Variants in MTMR3 observed in about 807,000 individuals in gnomAD.
MTMR3 encodes phosphatidylinositol-3,5-bisphosphate 3-phosphatase MTMR3.
Under a neutral mutation model 132.4 loss-of-function variants are expected in MTMR3, and 32 were observed. The observed-to-expected ratio is 0.24, with a 90% CI of 0.18 to 0.32. MTMR3 has a LOEUF of 0.32. MTMR3 is among the 10% of genes least tolerant of loss of function. MTMR3 has a pLI of 1.00. For missense variants in MTMR3, 1,216 were observed against 1,489.6 expected (o/e 0.82, Z 3.02); for synonymous variants, 556 against 550.3 (o/e 1.01, Z -0.14).
In MTMR3 at chr22:29,971,992, G is replaced by A. The variant is rs7287893; in HGVS notation, c.3+930G>A. On this transcript the variant is annotated intron_variant, in intron 3 of 19. Coordinates refer to ENST00000401950, the MANE Select transcript of MTMR3 (RefSeq NM_021090.4). The stretch of plus-strand genomic sequence containing the variant: ...GTATGGAAAATGCTTTTCAAAATTA[G>A]AAAAAGTAAAACAAAAAAACTAGTT... Among the ~76,000 whole-genome samples, 682 of 152,178 alleles carry A rather than the reference G, an allele frequency of 4.5e-3. 6 individuals are homozygous for A. The highest frequency in any genetic ancestry group is 0.016 in the African/African-American group (644 of 41,524).
chr22:29,914,070 TA>T (rs1389682214), intron 1 of MTMR3, among the ~76,000 whole-genome samples: 1 of 152,172 alleles, frequency 6.6e-6, no homozygotes, highest in Non-Finnish European at 1.5e-5. Flanking sequence ...CTATTACGAA[TA>T]AATCTCCTCT....
At chr22:30,012,768 C>T (rs2067465716) in intron 13 of MTMR3, 1 of 501,022 alleles carries the variant, frequency 2.0e-6, no homozygotes, top group African/African-American at 2.0e-5. Context: ...TTATGGGTAA[C>T]AAGGTATTGA....
chr22:29,962,239 A>G (rs1185835367), intron 2 of MTMR3, among the ~76,000 whole-genome samples: 1 of 152,226 alleles, frequency 6.6e-6, no homozygotes, highest in Non-Finnish European at 1.5e-5. Context: ...AATAAGTTTA[A>G]CTCAGATATA....
chr22:30,013,767 T>A (rs2067495451), intron 14 of MTMR3: 1 of 402,472 alleles, frequency 2.5e-6, no homozygotes, highest in Non-Finnish European at 4.5e-6. Context: ...TAAACTTAGT[T>A]TTTTTTTAAA....
intron 2 of MTMR3, among the ~76,000 whole-genome samples, chr22:29,962,586 G>A (rs189060104): frequency 7.9e-5 from 12 of 152,080 alleles, no homozygotes; most frequent in Admixed American, 3.9e-4. Flanking sequence ...CAGGAAGATC[G>A]CTGGAGCCCA....
At chr22:29,923,347 C>G (rs1431058778) in intron 1 of MTMR3, among the ~76,000 whole-genome samples, 1 of 151,566 alleles carries the variant, frequency 6.6e-6, no homozygotes, top group Non-Finnish European at 1.5e-5. Context: ...GCTGGGATTA[C>G]AGGTGTGAGC....
chr22:30,011,776 T>C (rs1013699796), intron 12 of MTMR3: 3 of 152,448 alleles, frequency 2.0e-5, no homozygotes, highest in Non-Finnish European at 4.4e-5. Flanking sequence ...GTATAAATTA[T>C]CAGATTGGGC....
At chr22:29,907,171 C>T (rs112056808) in intron 1 of MTMR3, among the ~76,000 whole-genome samples, 5,582 of 151,738 alleles carry the variant, frequency 0.037, 364 homozygotes, top group African/African-American at 0.13. Flanking sequence ...GAGGCCAAGG[C>T]GGGTGGATCA....
At chr22:30,008,458 AG>A (rs1177243643) in intron 11 of MTMR3, 1 of 170,422 alleles carries the variant, frequency 5.9e-6, no homozygotes, top group African/African-American at 2.4e-5. Flanking sequence ...AAATTGAAGC[AG>A]TAAATACAGA....
chr22:29,995,805 G>A (rs1325187631), intron 7 of MTMR3: 1 of 152,164 alleles, frequency 6.6e-6, no homozygotes, highest in African/African-American at 2.4e-5. Flanking sequence ...TTCTGGCTAA[G>A]TAAACGTGAG....
At chr22:29,930,739 G>A (rs2065625425) in intron 1 of MTMR3, among the ~76,000 whole-genome samples, 1 of 151,936 alleles carries the variant, frequency 6.6e-6, no homozygotes, top group African/African-American at 2.4e-5. Context: ...AGTGGCTTAC[G>A]CTTGTAATTC....
At chr22:29,934,673 T>C (rs1602506810) in intron 1 of MTMR3, among the ~76,000 whole-genome samples, 1 of 152,210 alleles carries the variant, frequency 6.6e-6, no homozygotes, top group Non-Finnish European at 1.5e-5. Flanking sequence ...TGTCCCATTA[T>C]GGTGAGTTGT....
At chr22:29,921,200 C>T (rs1008984431) in intron 1 of MTMR3, among the ~76,000 whole-genome samples, 11 of 152,064 alleles carry the variant, frequency 7.2e-5, no homozygotes, top group Non-Finnish European at 1.6e-4. Context: ...AGCTTCCAGT[C>T]ACGTTGGAAG....
At chr22:29,957,802 G>T (rs1311656055) in intron 2 of MTMR3, among the ~76,000 whole-genome samples, 1 of 152,050 alleles carries the variant, frequency 6.6e-6, no homozygotes, top group African/African-American at 2.4e-5. Context: ...TGCTTTCCAA[G>T]GTTCAGTTAT....
chr22:29,978,488 T>C lies in MTMR3; in HGVS notation c.50T>C (p.Ile17Thr), dbSNP rs771760948. The C allele has an allele frequency of 3.1e-6, 5 of 1,613,892 alleles. No individual in the cohort carries two copies. In the Admixed American group the frequency reaches 8.3e-5, roughly 27 times the overall value. ...HSLECIQANQIFPRKQLIRED... is the reference protein window; with the variant it reads ...HSLECIQANQTFPRKQLIRED... Reference sequence around the variant, plus strand: ...CTTGAGTGCATCCAGGCCAATCAGATCTTTCCCAGGAAGCAGCTGATCCGG... The same window carrying C: ...CTTGAGTGCATCCAGGCCAATCAGACCTTTCCCAGGAAGCAGCTGATCCGG... The change falls in exon 4 of 20, where the codon ATC becomes ACC. Residue 17 changes from isoleucine (I) to threonine (T), a missense_variant. Coordinates refer to ENST00000401950, the MANE Select transcript of MTMR3 (RefSeq NM_021090.4).
At chr22:29,951,557 C>A (rs1489946968) in intron 1 of MTMR3, among the ~76,000 whole-genome samples, 1 of 152,186 alleles carries the variant, frequency 6.6e-6, no homozygotes, top group African/African-American at 2.4e-5. Context: ...TGTGTAATTA[C>A]TTTGCTTTTC....
chr22:30,024,873 G>A (rs1459735348), intron 19 of MTMR3: 1 of 152,682 alleles, frequency 6.5e-6, no homozygotes, highest in African/African-American at 2.4e-5. Flanking sequence ...AGCTTTCAGG[G>A]GAGGAGGAGA....
At chr22:29,902,402 G>C (rs895384389) in intron 1 of MTMR3, among the ~76,000 whole-genome samples, 1 of 149,108 alleles carries the variant, frequency 6.7e-6, no homozygotes, top group African/African-American at 2.5e-5. Context: ...AATTGGTTAT[G>C]AAAGTTTTTT....
chr22:30,023,607 G>A (rs2067825468), intron 19 of MTMR3: 4 of 1,209,066 alleles, frequency 3.3e-6, no homozygotes, highest in Admixed American at 1.8e-5. Flanking sequence ...GGGTGCACAG[G>A]CAGATAGGTG....
Sources: allele counts gnomAD v4.1 joint callset (sites outside exome capture counted in the v4.1 genomes callset), GRCh38; gene constraint gnomAD v4.1.1; transcripts MANE v1.5; gene names NCBI Gene and HGNC (gene_info 2026-07-23, HGNC 2026-07-21).